The following WLS variants were observed in gnomAD, a reference collection of about 807,000 sequenced individuals.
WLS encodes protein wntless homolog.
WLS carries 23 observed loss-of-function variants against 62.8 expected under a neutral mutation model. The ratio of observed to expected loss-of-function variants is 0.37; its 90% CI spans 0.26 to 0.52. WLS has a LOEUF of 0.52. WLS is among the 20% of genes least tolerant of loss of function. WLS has a pLI of 0.92. For missense variants in WLS, 615 were observed against 697.3 expected (o/e 0.88, Z 1.33); for synonymous variants, 246 against 244.1 (o/e 1.01, Z -0.07).
At chr1:68,112,350 C>T (rs561490398) in intron 11 of WLS, among the ~76,000 whole-genome samples, 2 of 152,316 alleles carry the variant, frequency 1.3e-5, no homozygotes, top group South Asian at 2.1e-4. Context: ...GAGGCTGTCT[C>T]CCCATGGTTG....
intron 1 of WLS, among the ~76,000 whole-genome samples, chr1:68,201,527 C>T (rs1320424635): frequency 6.6e-6 from 1 of 152,206 alleles, no homozygotes; most frequent in African/African-American, 2.4e-5. Flanking sequence ...TTTCACAATT[C>T]AATCTCAATT....
chr1:68,127,088 A>C (rs1646442955), intron 11 of WLS: 1 of 401,982 alleles, frequency 2.5e-6, no homozygotes, highest in African/African-American at 2.1e-5. Context: ...TCAGCTACTC[A>C]GGAGGCTGAG....
Position 68,125,377 on chromosome 1 carries a change from G to A in WLS, c.*849C>T. 1.0e-6 allele frequency: 1 copy of A among 985,332 alleles called. No homozygotes were observed. The highest frequency in any genetic ancestry group is 1.2e-6 in the Non-Finnish European group (1 of 829,928). The allele number at this position is 985,332 out of a possible 1,614,324, so 61.0% of individuals were successfully genotyped here. ...CATGTGTATGAGTTTTAGCAGGAGGGGATATGCATGTACACATATGCATAT... is the reference window on the plus strand; with the variant it reads ...CATGTGTATGAGTTTTAGCAGGAGGAGATATGCATGTACACATATGCATAT... On this transcript the variant is annotated 3_prime_UTR_variant, in exon 12 of 12. Transcript: ENST00000262348.
At chr1:68,170,160 C>CTTTTTTTTTT (rs571306573) in intron 2 of WLS, among the ~76,000 whole-genome samples, 1 of 86,746 alleles carries the variant, frequency 1.2e-5, no homozygotes, top group African/African-American at 4.3e-5. Flanking sequence ...GCTACTATTT[C>CTTTTTTTTTT]TTTTTTTTTT....
At chr1:68,166,227 A>G (rs1485822097) in intron 2 of WLS, among the ~76,000 whole-genome samples, 1 of 152,236 alleles carries the variant, frequency 6.6e-6, no homozygotes, top group Non-Finnish European at 1.5e-5. Flanking sequence ...TCAGATCTTA[A>G]GGAACTTGTA....
At chr1:68,217,747 C>A (rs1649786077) in intron 1 of WLS, among the ~76,000 whole-genome samples, 1 of 152,166 alleles carries the variant, frequency 6.6e-6, no homozygotes, top group Non-Finnish European at 1.5e-5. Flanking sequence ...TCCAACTGTT[C>A]AGCTTAACTG....
chr1:68,180,758 C>T (rs1647518317), intron 2 of WLS, among the ~76,000 whole-genome samples: 1 of 152,120 alleles, frequency 6.6e-6, no homozygotes, highest in African/African-American at 2.4e-5. Context: ...TTTCTCAATC[C>T]TTTGACTCTG....
intron 11 of WLS, among the ~76,000 whole-genome samples, chr1:68,113,070 G>A (rs1183373383): frequency 6.6e-6 from 1 of 152,170 alleles, no homozygotes; most frequent in African/African-American, 2.4e-5. Flanking sequence ...TGGTCAGCCT[G>A]AGGCCCATGC....
chr1:68,162,171 C>T, intron 2 of WLS: 1 of 1,447,348 alleles, frequency 6.9e-7, no homozygotes, highest in Non-Finnish European at 9.7e-7. Flanking sequence ...TCAACGGACC[C>T]TGAGCAAAGC....
chr1:68,125,584 A>G lies in WLS; in HGVS notation c.*642T>C. On this transcript the variant is annotated 3_prime_UTR_variant, in exon 12 of 12. Transcript: ENST00000262348. ...ATTTTTTAAAACCCACATCCAACAG[A>G]TTGGTTAGTATTAGATACACAGATT... The G allele has an allele frequency of 1.0e-6, 1 of 985,462 alleles. No individual in the cohort carries two copies. The highest frequency in any genetic ancestry group is 1.2e-6 in the Non-Finnish European group (1 of 829,934). The allele number at this position is 985,462 out of a possible 1,614,324, so 61.0% of individuals were successfully genotyped here. A position where few individuals can be genotyped will look rare whatever the true frequency, so the allele number is the denominator to read the frequency against.
intron 2 of WLS, among the ~76,000 whole-genome samples, chr1:68,185,936 G>A (rs1647911444): frequency 6.6e-6 from 1 of 152,124 alleles, no homozygotes; most frequent in Admixed American, 6.5e-5. Context: ...GCTGTTGGTG[G>A]GTGGGGCTGA....
intron 2 of WLS, among the ~76,000 whole-genome samples, chr1:68,189,539 T>C (rs1484433315): frequency 1.3e-5 from 2 of 152,320 alleles, no homozygotes; most frequent in South Asian, 2.1e-4. Context: ...ACCGTGATTT[T>C]AGGCACTGGG....
At chr1:68,198,885 G>A (rs1390995600) in intron 1 of WLS, among the ~76,000 whole-genome samples, 1 of 152,144 alleles carries the variant, frequency 6.6e-6, no homozygotes, top group African/African-American at 2.4e-5. Context: ...GACTAAACCT[G>A]TAGTACTTCT....
At chr1:68,196,935 A>G (rs1392332439) in intron 1 of WLS, among the ~76,000 whole-genome samples, 1 of 152,158 alleles carries the variant, frequency 6.6e-6, no homozygotes, top group African/African-American at 2.4e-5. Flanking sequence ...ATTTAACTGA[A>G]CCCTTTTTAA....
chr1:68,212,792 T>C (rs997070760), intron 1 of WLS, among the ~76,000 whole-genome samples: 1 of 152,238 alleles, frequency 6.6e-6, no homozygotes, highest in Non-Finnish European at 1.5e-5. Context: ...AGGTTACAGA[T>C]GAGACAGTAA....
intron 11 of WLS, among the ~76,000 whole-genome samples, chr1:68,130,554 T>A (rs1305450159): frequency 6.6e-6 from 1 of 152,216 alleles, no homozygotes; most frequent in Non-Finnish European, 1.5e-5. Flanking sequence ...CCTTCAAAGC[T>A]AAGTTCAAAT....
chr1:68,102,515 G>A (rs1646092666), intron 11 of WLS: 1 of 152,178 alleles, frequency 6.6e-6, no homozygotes, highest in South Asian at 2.1e-4. Flanking sequence ...CTCATGTGCA[G>A]GTCCAGACCC....
At chr1:68,163,404 CGGCGGT>C (rs879405716) in intron 2 of WLS, among the ~76,000 whole-genome samples, 6 of 152,026 alleles carry the variant, frequency 3.9e-5, no homozygotes, top group Admixed American at 2.0e-4. Flanking sequence ...CCCCACCCTG[CGGCGGT>C]GGCGGTGGCG....
intron 2 of WLS, among the ~76,000 whole-genome samples, chr1:68,182,128 G>T (rs1405641669): frequency 6.6e-6 from 1 of 152,190 alleles, no homozygotes; most frequent in Non-Finnish European, 1.5e-5. Context: ...AGAAGAAAGT[G>T]TATGTAACTA....
Sources: allele counts gnomAD v4.1 joint callset (sites outside exome capture counted in the v4.1 genomes callset), GRCh38; gene constraint gnomAD v4.1.1; transcripts MANE v1.5; gene names NCBI Gene and HGNC (gene_info 2026-07-23, HGNC 2026-07-21).